NTN5: variants seen among roughly 807,000 people sequenced by gnomAD.
NTN5 encodes netrin-5.
A neutral mutation model predicts 38.7 loss-of-function variants in NTN5; 42 were observed. The observed-to-expected ratio is 1.08, with a 90% confidence interval of 0.85 to 1.40. The LOEUF is 1.40. Among genes scored for constraint, NTN5 ranks in the 40% most tolerant of loss-of-function variants. NTN5 has a pLI of 0.00. For synonymous variants in NTN5, 329 were observed against 303.9 expected, an observed-to-expected ratio of 1.08 and a Z score of -0.86; for missense variants, 658 against 716.5, an observed-to-expected ratio of 0.92 and a Z score of 0.93.
intron 2 of NTN5, among the ~76,000 whole-genome samples, chr19:48,665,251 C>A (rs1438221921): frequency 6.6e-6 from 1 of 151,700 alleles, no homozygotes; most frequent in Non-Finnish European, 1.5e-5. Context: ...ACATGGCCAA[C>A]ATGGCGAAAA....
rs17851884 is a variant in NTN5 at position 48,664,748 on chromosome 19, G to A, written c.651C>T (p.His217=). The A allele has an allele frequency of 0.11, 173,312 of 1,567,230 alleles. 10,488 individuals are homozygous for A. Among genetic ancestry groups the A allele is most frequent in the Non-Finnish European group, 0.13 (146,606 of 1,156,936 alleles). ...HPCLPCSCNQ[H]ARRCRFNSEL... ...CAGAGTTGAACCGGCAGCGTCGGGCGTGCTGGTTGCAGGAGCAGGCTAGGA... is the reference window on the plus strand; with the variant it reads ...CAGAGTTGAACCGGCAGCGTCGGGCATGCTGGTTGCAGGAGCAGGCTAGGA... Residue 217 remains histidine, a synonymous_variant, in exon 3 of 7, where the codon CAC becomes CAT. Coordinates refer to ENST00000270235, the MANE Select transcript of NTN5 (RefSeq NM_145807.4).
rs2031924485 is a variant in NTN5, at chr19:48,670,426, C to G, written c.561G>C (p.Glu187Asp). The change falls in exon 2 of 7, where the codon GAG becomes GAC. Residue 187 changes from glutamate to aspartate, a missense_variant. Coordinates refer to ENST00000270235, the MANE Select transcript of NTN5 (RefSeq NM_145807.4). ...AGTCTCGATGGGACGGGCGGCAGCT[C>G]TCGCACCCCGGGCCAGTGGTATGGT... The part of the protein sequence containing the change: ...CRHHTTGPGC[E>D]SCRPSHRDWP... 6.9e-7 allele frequency: 1 copy of G among 1,453,344 alleles called. No individual in the cohort carries two copies. The highest frequency in any genetic ancestry group is 1.5e-5 in the African/African-American group (1 of 68,436). 90.0% of individuals were successfully genotyped at this position (1,453,344 alleles called of 1,614,324 possible).
Position 48,670,957 on chromosome 19 carries a change from G to A in NTN5, c.30C>T (p.Leu10=). 9.0e-6 allele frequency: 14 copies of A among 1,549,258 alleles called. No individual in the cohort carries two copies. Among genetic ancestry groups the A allele is most frequent in the Non-Finnish European group, 1.2e-5 (14 of 1,147,204 alleles). Residue 10 remains leucine (L), a synonymous_variant, in exon 2 of 7, where the codon CTC becomes CTT. Coordinates refer to ENST00000270235, the MANE Select transcript of NTN5 (RefSeq NM_145807.4). ...ATGGGTCCGCAGTGGCCTGGCCCAG[G>A]AGGAGCAGGAGGGCAAAGGTCACGG... MPVTFALLL[L]LGQATADPCY... is the part of the protein sequence containing the mutation.
chr19:48,663,260 A>T (rs747841875), intron 6 of NTN5: 1 of 682,392 alleles, frequency 1.5e-6, no homozygotes, highest in Non-Finnish European at 2.7e-6. Flanking sequence ...AAGAGGAGAC[A>T]CAGGAAGGTA....
rs537251755 is a variant in NTN5 at position 48,663,829 on chromosome 19, G to C, written c.971-15C>G. The C allele has an allele frequency of 6.2e-7, 1 of 1,613,152 alleles. No homozygotes were observed. The highest frequency in any genetic ancestry group is 1.3e-5 in the African/African-American group (1 of 75,014). On this transcript the variant is annotated splice_polypyrimidine_tract_variant and intron_variant, in intron 4 of 6. Transcript: ENST00000270235. Reference sequence around the variant, plus strand: ...CTCTGGAATTCCTGTGAGACCAAAGGAGAAATTAACCTCTTAGTCATTTCC... The same window carrying C: ...CTCTGGAATTCCTGTGAGACCAAAGCAGAAATTAACCTCTTAGTCATTTCC...
chr19:48,664,803 G>A (rs1308667776), intron 2 of NTN5, 36 bp from the exon 3 acceptor site: 4 of 1,483,300 alleles, frequency 2.7e-6, no homozygotes, highest in Middle Eastern at 1.7e-4. Flanking sequence ...CATCAGGGCC[G>A]AGTGTGCTGC....
At chr19:48,663,071 G>A in intron 6 of NTN5, 1 of 388,342 alleles carries the variant, frequency 2.6e-6, no homozygotes, top group Non-Finnish European at 5.1e-6. Context: ...AAGTCTTTAT[G>A]GGAAGTGGGG....
intron 6 of NTN5, 59 bp downstream of exon 6, chr19:48,663,404 A>G (rs1262791416): frequency 2.7e-6 from 4 of 1,458,738 alleles, no homozygotes; most frequent in Non-Finnish European, 3.9e-6. Flanking sequence ...GGGGTGGCTT[A>G]GAAGCAGTCA....
At position 48,664,703 on chromosome 19, in the gene NTN5, GCCCGACAGT is replaced by G. The variant is rs774978236; in HGVS notation, c.687_695del (p.Arg229_Gly232delinsSer). 1.2e-6 allele frequency: 2 copies of G among 1,603,984 alleles called. No homozygotes were observed. The highest frequency in any genetic ancestry group is 4.5e-5 in the East Asian group (2 of 44,344). ...GCTCACAAACACCCCCACTCCGGCC[GCCCGACAGT>G]CTGAACAGCTCAGAGTTGAACCGGC... On this transcript the variant is annotated inframe_deletion, in exon 3 of 7. Transcript: ENST00000270235.
chr19:48,661,660 G>A lies in NTN5; in HGVS notation c.*17C>T, dbSNP rs1248970019. 6.6e-7 allele frequency: 1 copy of A among 1,525,598 alleles called. No homozygotes were observed. The highest frequency in any genetic ancestry group is 8.7e-7 in the Non-Finnish European group (1 of 1,147,458). The allele number at this position is 1,525,598 out of a possible 1,614,324, so 94.5% of individuals were successfully genotyped here. A position where few individuals can be genotyped will look rare whatever the true frequency, so the allele number is the denominator to read the frequency against. On this transcript the variant is annotated 3_prime_UTR_variant, in exon 7 of 7. Transcript: ENST00000270235. ...CCAAATTACTTTGTTGGTGCTCGAG[G>A]CAGCCCCATCTCACGTCTAGTGCTC...
At chr19:48,669,231 T>C (rs1206693837) in intron 2 of NTN5, among the ~76,000 whole-genome samples, 18 of 8,190 alleles carry the variant, frequency 2.2e-3, no homozygotes, top group South Asian at 3.9e-3. Flanking sequence ...ACCACGACCA[T>C]CATCACCACC....
chr19:48,671,472 C>T (rs1379072771), intron 1 of NTN5, among the ~76,000 whole-genome samples: 1 of 152,012 alleles, frequency 6.6e-6, no homozygotes, highest in Non-Finnish European at 1.5e-5. Flanking sequence ...GCGCTCGGCA[C>T]AGAGAAGTTG....
chr19:48,662,064 C>T (rs927091994), intron 6 of NTN5, 23 bp from the exon 7 acceptor site: 5 of 1,433,284 alleles, frequency 3.5e-6, no homozygotes, highest in Non-Finnish European at 3.6e-6. Context: ...GAGATGTCAG[C>T]CCAGGTCGTG....
intron 1 of NTN5, among the ~76,000 whole-genome samples, chr19:48,672,714 G>A (rs1248490579): frequency 1.3e-5 from 2 of 152,130 alleles, no homozygotes; most frequent in African/African-American, 4.8e-5. Context: ...GAGGAACCAG[G>A]CTGTGAGTTC....
At chr19:48,664,488 AG>A (rs2031639836) in intron 3 of NTN5, 90 bp downstream of exon 3, 1 of 1,278,476 alleles carries the variant, frequency 7.8e-7, no homozygotes, top group Admixed American at 3.2e-5. Context: ...CCTCAGATCC[AG>A]GAATCCAGGC....
At chr19:48,668,566 T>G (rs2147741565) in intron 2 of NTN5, among the ~76,000 whole-genome samples, 1 of 152,266 alleles carries the variant, frequency 6.6e-6, no homozygotes, top group Non-Finnish European at 1.5e-5. Flanking sequence ...GCCTCTTGTC[T>G]GCCACGTGGT....
intron 5 of NTN5, 61 bp from the exon 6 acceptor site, chr19:48,663,604 C>A: frequency 6.4e-7 from 1 of 1,564,444 alleles, no homozygotes; most frequent in South Asian, 1.1e-5. Flanking sequence ...CCTTCTGCCC[C>A]TGCCCATCCC....
chr19:48,670,840 CAG>C lies in NTN5; in HGVS notation c.145_146del (p.Leu49ValfsTer70), dbSNP rs775101865. 6.2e-7 allele frequency: 1 copy of C among 1,612,954 alleles called. No individual in the cohort carries two copies. Among genetic ancestry groups the C allele is most frequent in the South Asian group, 1.1e-5 (1 of 91,076 alleles). Reference protein sequence around the residue: ...VAASCPQACALSPGNHLGARE... With the variant: ...VAASCPQACAXSPGNHLGARE... The stretch of plus-strand genomic sequence containing the variant: ...TGGCGCCAAGGTGGTTTCCTGGGGA[CAG>C]GGCACAGGCCTGAGGGCAGGAGGCC... On this transcript the variant is annotated frameshift_variant, in exon 2 of 7. Coordinates refer to ENST00000270235, the MANE Select transcript of NTN5 (RefSeq NM_145807.4). LOFTEE classifies it high-confidence loss of function.
Position 48,664,292 on chromosome 19 carries a change from G to A in NTN5, c.821C>T (p.Ala274Val), listed in dbSNP as rs1012809089. ...TGCCCCAATAGGGTGGCACTGGCAG[G>A]CTACATGAGCAGAGGAGCTGGGGGC... ...QPIFSRRACRACQCHPIGATG... is the reference protein window; with the variant it reads ...QPIFSRRACRVCQCHPIGATG... Residue 274 changes from alanine to valine, a missense_variant and splice_region_variant, in exon 4 of 7, where the codon GCC (alanine) becomes GTC (valine). Physicochemically the swap from Ala to Val is moderately conservative, Grantham distance 64. Transcript: ENST00000270235. The A allele has an allele frequency of 6.8e-6, 11 of 1,612,314 alleles. No homozygotes were observed. Among genetic ancestry groups the A allele is most frequent in the Non-Finnish European group, 9.3e-6 (11 of 1,179,376 alleles).
Sources: gnomAD v4.1 joint callset for allele counts (sites outside exome capture counted in the v4.1 genomes callset) on GRCh38, gnomAD v4.1.1 for gene constraint, MANE v1.5 for transcripts, NCBI Gene and HGNC (gene_info 2026-07-23, HGNC 2026-07-21) for gene names.